The following SORCS3 variants were observed in gnomAD, a reference collection of about 807,000 sequenced individuals.
SORCS3 encodes sortilin related VPS10 domain containing receptor 3.
A neutral mutation model predicts 146.3 loss-of-function variants in SORCS3; 57 were observed. That is an observed-to-expected ratio of 0.39 (90% confidence interval 0.31 to 0.49). The LOEUF (loss-of-function observed/expected upper bound fraction) is 0.49, where lower values mean the gene tolerates loss of function less well. Among genes scored for constraint, SORCS3 ranks in the 20% least tolerant of loss-of-function variants. The pLI, the probability that SORCS3 is intolerant of heterozygous loss-of-function variation, is 0.92. For missense variants in SORCS3, 1,341 were observed against 1,575.5 expected, an observed-to-expected ratio of 0.85 and a Z score of 2.52; for synonymous variants, 653 against 618.5, an observed-to-expected ratio of 1.06 and a Z score of -0.83.
intron 1 of SORCS3, among the ~76,000 whole-genome samples, chr10:104,660,715 T>G (rs955795195): frequency 1.3e-5 from 2 of 152,236 alleles, no homozygotes; most frequent in African/African-American, 4.8e-5. Context: ...TGGTGACTCT[T>G]GAAATCAGAG....
intron 20 of SORCS3, among the ~76,000 whole-genome samples, chr10:105,235,108 G>A (rs1312713731): frequency 6.6e-6 from 1 of 152,076 alleles, no homozygotes; most frequent in Non-Finnish European, 1.5e-5. Context: ...ATTAGCTAGA[G>A]TGGGCTGTAG....
chr10:104,823,638 C>T (rs1010931979), intron 1 of SORCS3, among the ~76,000 whole-genome samples: 1 of 152,160 alleles, frequency 6.6e-6, no homozygotes, highest in African/African-American at 2.4e-5. Context: ...AGGTCACTGA[C>T]TTATTCAAGC....
chr10:105,124,501 T>C (rs1178258441), intron 7 of SORCS3, among the ~76,000 whole-genome samples: 1 of 149,754 alleles, frequency 6.7e-6, no homozygotes, highest in Non-Finnish European at 1.5e-5. Flanking sequence ...TCTCTCTTTT[T>C]AGCTTTTCTT....
intron 1 of SORCS3, among the ~76,000 whole-genome samples, chr10:104,667,922 T>C (rs1265700066): frequency 6.6e-6 from 1 of 152,206 alleles, no homozygotes; most frequent in African/African-American, 2.4e-5. Context: ...TGGCAATAGA[T>C]GGATGTAAGG....
chr10:105,050,014 T>C (rs1377647041), intron 5 of SORCS3, among the ~76,000 whole-genome samples: 1 of 146,320 alleles, frequency 6.8e-6, no homozygotes, highest in South Asian at 2.1e-4. Flanking sequence ...TATGTGTATA[T>C]GTGTATGTGT....
intron 1 of SORCS3, among the ~76,000 whole-genome samples, chr10:104,690,122 A>C (rs918314343): frequency 2.6e-5 from 4 of 152,150 alleles, no homozygotes; most frequent in African/African-American, 9.7e-5. Flanking sequence ...TGAGGAATTG[A>C]AGTTTCCTTT....
chr10:105,166,576 G>A (rs1445800380), intron 12 of SORCS3, among the ~76,000 whole-genome samples: 1 of 152,126 alleles, frequency 6.6e-6, no homozygotes, highest in Non-Finnish European at 1.5e-5. Context: ...GGGATGGATG[G>A]TTGGATGGAA....
intron 2 of SORCS3, among the ~76,000 whole-genome samples, chr10:104,863,534 G>T (rs2018427725): frequency 6.6e-6 from 1 of 152,150 alleles, no homozygotes; most frequent in South Asian, 2.1e-4. Flanking sequence ...GTCTTACTGT[G>T]CATGGCTTCT....
At chr10:104,918,974 C>A (rs1347431988) in intron 3 of SORCS3, among the ~76,000 whole-genome samples, 1 of 152,010 alleles carries the variant, frequency 6.6e-6, no homozygotes, top group Admixed American at 6.6e-5. Flanking sequence ...TTCTTTTTGT[C>A]TTTTGCTGTT....
At chr10:105,087,515 G>A (rs1321182089) in intron 5 of SORCS3, among the ~76,000 whole-genome samples, 2 of 148,022 alleles carry the variant, frequency 1.4e-5, no homozygotes, top group African/African-American at 2.5e-5. Context: ...GAAAGAAACC[G>A]GGTGGCTTCA....
At chr10:105,111,365 C>T (rs548911894) in intron 7 of SORCS3, among the ~76,000 whole-genome samples, 2 of 152,260 alleles carry the variant, frequency 1.3e-5, no homozygotes, top group South Asian at 2.1e-4. Context: ...GTGTGTTATT[C>T]GTCATTGCTT....
chr10:105,008,193 A>G (rs2055109279), intron 4 of SORCS3, among the ~76,000 whole-genome samples: 1 of 152,136 alleles, frequency 6.6e-6, no homozygotes, highest in Admixed American at 6.5e-5. Flanking sequence ...TAACCACTTC[A>G]TATTATAACC....
At chr10:105,098,447 G>A (rs940192622) in intron 6 of SORCS3, among the ~76,000 whole-genome samples, 14 of 152,186 alleles carry the variant, frequency 9.2e-5, no homozygotes, top group African/African-American at 3.1e-4. Context: ...TAGTGACAGG[G>A]AGTGACCCAG....
Position 105,182,230 on chromosome 10 carries a change from C to CTTTTTTTTTTTTTTTTTTT in SORCS3, c.2009+4062_2009+4080dup, listed in dbSNP as rs11340368. On this transcript the variant is annotated intron_variant, in intron 14 of 26. Transcript: ENST00000369701. ...CAGCCAACTTGTGACTATTCAGCAT[C>CTTTTTTTTTTTTTTTTTTT]TTTTTTTTTTTTTTTTTTTTTTTGT... is the stretch of plus-strand genomic sequence containing the variant. 1.3e-3 allele frequency among the ~76,000 whole-genome samples: 92 copies of CTTTTTTTTTTTTTTTTTTT among 70,468 alleles called. 11 individuals are homozygous for CTTTTTTTTTTTTTTTTTTT. Among genetic ancestry groups the CTTTTTTTTTTTTTTTTTTT allele is most frequent in the Non-Finnish European group, 1.9e-3 (72 of 37,586 alleles). 46.2% of individuals were successfully genotyped at this position (70,468 alleles called of 152,430 possible).
intron 5 of SORCS3, among the ~76,000 whole-genome samples, chr10:105,086,023 G>A (rs750835526): frequency 9.9e-5 from 15 of 151,338 alleles, no homozygotes; most frequent in Non-Finnish European, 1.6e-4. Flanking sequence ...TATGTACATC[G>A]TTTTTATAGA....
At chr10:105,093,940 C>T (rs1171808505) in intron 6 of SORCS3, among the ~76,000 whole-genome samples, 2 of 152,138 alleles carry the variant, frequency 1.3e-5, no homozygotes, top group Non-Finnish European at 2.9e-5. Flanking sequence ...ACACAAATGT[C>T]TGTAGAGATT....
At chr10:104,993,564 G>A (rs141256337) in intron 4 of SORCS3, among the ~76,000 whole-genome samples, 1 of 152,158 alleles carries the variant, frequency 6.6e-6, no homozygotes. Flanking sequence ...TCAATATTGG[G>A]CATGAATGTT....
At chr10:104,678,971 G>C (rs1469804102) in intron 1 of SORCS3, among the ~76,000 whole-genome samples, 1 of 152,190 alleles carries the variant, frequency 6.6e-6, no homozygotes, top group Non-Finnish European at 1.5e-5. Flanking sequence ...CTCTGGAGGA[G>C]AGAAGACTTT....
chr10:104,828,230 C>A lies in SORCS3; in HGVS notation c.628-14562C>A, dbSNP rs561282926. Reference sequence around the variant, plus strand: ...ATGGGCCTTCTTTGCTAAGCTTAACCATTTTTACTTTTAATTTAAAGTGTG... The same window carrying A: ...ATGGGCCTTCTTTGCTAAGCTTAACAATTTTTACTTTTAATTTAAAGTGTG... On this transcript the variant is annotated intron_variant, in intron 1 of 26. Coordinates refer to ENST00000369701, the MANE Select transcript of SORCS3 (RefSeq NM_014978.3). 2.4e-4 allele frequency among the ~76,000 whole-genome samples: 37 copies of A among 152,232 alleles called. No individual in the cohort carries two copies. In the South Asian group the frequency reaches 7.7e-3, roughly 32 times the overall value.
Sources: allele counts gnomAD v4.1 joint callset (sites outside exome capture counted in the v4.1 genomes callset), GRCh38; gene constraint gnomAD v4.1.1; transcripts MANE v1.5; gene names NCBI Gene and HGNC (gene_info 2026-07-23, HGNC 2026-07-21).